Variants in MAST2 observed in about 807,000 individuals in gnomAD.
The protein encoded by MAST2 is microtubule associated serine/threonine kinase 2.
MAST2 carries 70 observed loss-of-function variants against 147.4 expected under a neutral mutation model. That is an observed-to-expected ratio of 0.47 (90% confidence interval 0.39 to 0.58). MAST2 has a LOEUF of 0.58. MAST2 is among the 20% of genes least tolerant of loss of function. The pLI is 0.00. For synonymous variants in MAST2, 869 were observed against 896.8 expected, an observed-to-expected ratio of 0.97 and a Z score of 0.55; for missense variants, 2,080 against 2,302.3, an observed-to-expected ratio of 0.90 and a Z score of 1.98.
At chr1:45,957,532 G>A (rs997520949) in intron 4 of MAST2, among the ~76,000 whole-genome samples, 7 of 152,106 alleles carry the variant, frequency 4.6e-5, no homozygotes, top group African/African-American at 1.7e-4. Context: ...ACAATCATTG[G>A]CTCACTGTAG....
chr1:45,860,931 G>A (rs533507654), intron 3 of MAST2, among the ~76,000 whole-genome samples: 1 of 152,258 alleles, frequency 6.6e-6, no homozygotes, highest in Admixed American at 6.5e-5. Context: ...TCCTGGCATA[G>A]TTGTTGACCT....
intron 4 of MAST2, among the ~76,000 whole-genome samples, chr1:45,936,980 C>G (rs930736324): frequency 1.5e-4 from 22 of 149,902 alleles, no homozygotes; most frequent in African/African-American, 5.4e-4. Flanking sequence ...TAGGCTCAAG[C>G]AGTCCTTCCA....
chr1:45,875,877 A>G (rs1355891375), intron 3 of MAST2, among the ~76,000 whole-genome samples: 3 of 152,098 alleles, frequency 2.0e-5, no homozygotes, highest in Non-Finnish European at 2.9e-5. Flanking sequence ...AAGATCTGGG[A>G]TAGAGATACA....
chr1:45,857,859 T>G (rs1249129185), intron 3 of MAST2, among the ~76,000 whole-genome samples: 1 of 147,800 alleles, frequency 6.8e-6, no homozygotes, highest in Non-Finnish European at 1.5e-5. Flanking sequence ...TGTTTTTTTT[T>G]TTTTTTTTTT....
intron 5 of MAST2, among the ~76,000 whole-genome samples, chr1:45,982,751 T>TA (rs1182041623): frequency 6.6e-6 from 1 of 152,222 alleles, no homozygotes; most frequent in Non-Finnish European, 1.5e-5. Flanking sequence ...GTCAGCCAGA[T>TA]ATGCTGGTGG....
At chr1:45,860,326 G>A (rs1645936613) in intron 3 of MAST2, among the ~76,000 whole-genome samples, 1 of 150,396 alleles carries the variant, frequency 6.6e-6, no homozygotes, top group Admixed American at 6.6e-5. Context: ...AGAGGTTGGA[G>A]TGAGCCAAGA....
chr1:45,939,546 G>GT (rs1257931226), intron 4 of MAST2, among the ~76,000 whole-genome samples: 1 of 151,280 alleles, frequency 6.6e-6, no homozygotes, highest in African/African-American at 2.4e-5. Flanking sequence ...TTTTTTTGGG[G>GT]GGGTGGGGTC....
intron 4 of MAST2, among the ~76,000 whole-genome samples, chr1:45,897,037 A>G (rs1384811907): frequency 1.3e-5 from 2 of 152,218 alleles, no homozygotes; most frequent in African/African-American, 4.8e-5. Context: ...TTAACATAAC[A>G]TTGAATTTTC....
At position 45,937,226 on chromosome 1, in the gene MAST2, A is replaced by C. The variant is rs572337150; in HGVS notation, c.501-22160A>C. Among the ~76,000 whole-genome samples the C allele has an allele frequency of 7.3e-3, 567 of 78,122 alleles. 15 individuals carry two copies. In the Admixed American group the frequency reaches 0.073, roughly 10 times the overall value. 51.3% of individuals were successfully genotyped at this position (78,122 alleles called of 152,430 possible). A position where few individuals can be genotyped will look rare whatever the true frequency, so the allele number is the denominator to read the frequency against. ...GCTGAGACTAAAGGCATGCACCACC[A>C]TGGGCAGCTTTTTTTTTTAATTACA... On this transcript the variant is annotated intron_variant, in intron 4 of 28. Transcript: ENST00000361297.
chr1:45,893,601 A>C (rs1015916036), intron 4 of MAST2, among the ~76,000 whole-genome samples: 1 of 72,716 alleles, frequency 1.4e-5, no homozygotes, highest in Non-Finnish European at 2.8e-5. Flanking sequence ...GGATATTTTA[A>C]AAAAAAAAAA....
chr1:45,823,099 G>A (rs577053097), intron 1 of MAST2, among the ~76,000 whole-genome samples: 1 of 151,782 alleles, frequency 6.6e-6, no homozygotes, highest in East Asian at 1.9e-4. Flanking sequence ...TTATGTTTGG[G>A]CATTTGTAAA....
In MAST2 at chr1:46,035,831, C is replaced by T. The variant is rs775751870; in HGVS notation, c.5162C>T (p.Pro1721Leu). ...CTGGCCCATCCATCTTATGAGGATC[C>T]CAGCCAGGGCTGGCTATGGGAGTCT... is the stretch of plus-strand genomic sequence containing the variant. ...PRLAHPSYED[P>L]SQGWLWESEC... The change falls in exon 29 of 29, where the codon CCC becomes CTC. Residue 1721 changes from proline (P) to leucine (L), a missense_variant. Around this residue, in one of 4 missense-constraint regions of MAST2, gnomAD observed 1,278 missense variants for 1,304.2 expected, o/e 0.98. Coordinates refer to ENST00000361297, the MANE Select transcript of MAST2 (RefSeq NM_015112.3). This position sits in a 1 kb window ranked among gnomAD's most constrained non-coding sequence, Gnocchi z 5.5. 2 of 1,614,076 alleles carry T rather than the reference C, an allele frequency of 1.2e-6. No homozygotes were observed. Among genetic ancestry groups the T allele is most frequent in the Non-Finnish European group, 1.7e-6 (2 of 1,180,030 alleles).
chr1:45,827,886 C>T (rs190828704), intron 2 of MAST2, among the ~76,000 whole-genome samples: 2 of 152,274 alleles, frequency 1.3e-5, no homozygotes, highest in South Asian at 2.1e-4. Context: ...AGTGCAGTGA[C>T]ATGACCATGC....
At chr1:45,999,269 C>A (rs889151287) in intron 6 of MAST2, among the ~76,000 whole-genome samples, 9 of 152,190 alleles carry the variant, frequency 5.9e-5, no homozygotes, top group African/African-American at 2.2e-4. Context: ...ACGGGCTCAT[C>A]TCTCCTACCC....
In MAST2 at chr1:46,002,912, C is replaced by G. The variant is rs762650364; in HGVS notation, c.747+29C>G. 1.9e-6 allele frequency: 3 copies of G among 1,600,824 alleles called. No individual in the cohort carries two copies. The South Asian group carries it at 3.3e-5, about 18-fold the overall frequency. Reference sequence around the variant, plus strand: ...AGTAGCCAAATCTGTGGCCATACTTCCTTCACCCTAAGGAAGTACTTCCCT... The same window carrying G: ...AGTAGCCAAATCTGTGGCCATACTTGCTTCACCCTAAGGAAGTACTTCCCT... On this transcript the variant is annotated intron_variant, in intron 7 of 28. Coordinates refer to ENST00000361297, the MANE Select transcript of MAST2 (RefSeq NM_015112.3).
At chr1:45,966,529 A>C (rs1661232437) in intron 5 of MAST2, among the ~76,000 whole-genome samples, 1 of 152,124 alleles carries the variant, frequency 6.6e-6, no homozygotes, top group South Asian at 2.1e-4. Context: ...TCAGGAGTTC[A>C]AGACAAGCCG....
At chr1:46,016,960 C>T (rs1645975873) in intron 10 of MAST2, among the ~76,000 whole-genome samples, 1 of 151,846 alleles carries the variant, frequency 6.6e-6, no homozygotes, top group Non-Finnish European at 1.5e-5. Context: ...CAGCATGGTA[C>T]TGGTACCAAA....
intron 5 of MAST2, among the ~76,000 whole-genome samples, chr1:45,996,855 G>T (rs76688123): frequency 6.6e-6 from 1 of 152,200 alleles, no homozygotes; most frequent in Non-Finnish European, 1.5e-5. Context: ...GAAAGCCAGC[G>T]CATGTTGAAG....
In MAST2 at chr1:45,959,413, G is replaced by C; in HGVS notation, c.528G>C (p.Leu176Phe). Residue 176 changes from leucine (L) to phenylalanine (F), a missense_variant, in exon 5 of 29, where the codon TTG becomes TTC. Around this residue, in one of 4 missense-constraint regions of MAST2, gnomAD observed 569 missense variants for 642.5 expected, o/e 0.89. Transcript: ENST00000361297. ...SFCRTSNRKS[L>F]IVTSSTSPTL... ...GTCGGACAAGTAACCGCAAGAGCTTGATTGTGACCTCTAGCACATCACCTA... is the reference window on the plus strand; with the variant it reads ...GTCGGACAAGTAACCGCAAGAGCTTCATTGTGACCTCTAGCACATCACCTA... 2 of 1,613,806 alleles carry C rather than the reference G, an allele frequency of 1.2e-6. No homozygotes were observed. Among genetic ancestry groups the C allele is most frequent in the Non-Finnish European group, 1.7e-6 (2 of 1,179,814 alleles).
Sources: gnomAD v4.1 joint callset for allele counts (sites outside exome capture counted in the v4.1 genomes callset) on GRCh38, gnomAD v4.1.1 for gene constraint, gnomAD v4.1.1 regional missense constraint, Gnocchi (gnomAD v3.1) non-coding constraint, MANE v1.5 for transcripts, NCBI Gene and HGNC (gene_info 2026-07-23, HGNC 2026-07-21) for gene names.